The following NOTCH2NLR variants were observed in gnomAD, a reference collection of about 807,000 sequenced individuals.
The protein encoded by NOTCH2NLR is notch 2 N-terminal like R.
A neutral mutation model predicts 35.6 loss-of-function variants in NOTCH2NLR; 33 were observed. That is an observed-to-expected ratio of 0.93 (90% CI 0.70 to 1.24). The LOEUF is 1.24. Ranked by LOEUF, NOTCH2NLR falls within the 50% of genes most tolerant of loss-of-function variation. The probability of loss-of-function intolerance (pLI) is 0.00; values close to 1 mark genes in which losing one functional copy is unlikely to be tolerated. For synonymous variants in NOTCH2NLR, 103 were observed against 141.0 expected (o/e 0.73, Z 1.91); for missense variants, 276 against 362.2 (o/e 0.76, Z 1.93).
chr1:120,767,872 A>G lies in NOTCH2NLR; in HGVS notation c.155+4163A>G, dbSNP rs1270339476. On this transcript the variant is annotated intron_variant, in intron 2 of 4. Transcript: ENST00000624419. The stretch of plus-strand genomic sequence containing the variant: ...AATTGACAAAATATGTATTTTAAGG[A>G]CATTTATTGTAGTTATTTAAAATCT... Among the ~76,000 whole-genome samples the G allele has an allele frequency of 1.1e-4, 12 of 113,180 alleles. 4 individuals carry two copies. Among genetic ancestry groups the G allele is most frequent in the African/African-American group, 2.1e-4 (4 of 18,750 alleles). The allele number at this position is 113,180 out of a possible 152,430, so 74.3% of individuals were successfully genotyped here.
In NOTCH2NLR at chr1:120,776,360, A is replaced by G. The variant is rs1249410035; in HGVS notation, c.156-8614A>G. Reference sequence around the variant, plus strand: ...GAAAAGCATTTTGGGCTGACTGAACAGCGTGTACAGAGGTCTGGAAGTGAG... The same window carrying G: ...GAAAAGCATTTTGGGCTGACTGAACGGCGTGTACAGAGGTCTGGAAGTGAG... On this transcript the variant is annotated intron_variant, in intron 2 of 4. Coordinates refer to ENST00000624419, the Ensembl canonical transcript of NOTCH2NLR. 5.0e-4 allele frequency among the ~76,000 whole-genome samples: 39 copies of G among 77,956 alleles called. 6 individuals are homozygous for G. The highest frequency in any genetic ancestry group is 4.3e-3 in the South Asian group (10 of 2,350). 51.1% of individuals were successfully genotyped at this position (77,956 alleles called of 152,430 possible).
intron 2 of NOTCH2NLR, among the ~76,000 whole-genome samples, chr1:120,777,752 C>A (rs1651314997): frequency 1.0e-5 from 1 of 95,354 alleles, no homozygotes; most frequent in Non-Finnish European, 1.9e-5. Flanking sequence ...CCCTCTTTAC[C>A]AGGAAGTTAA....
Position 120,724,392 on chromosome 1 carries a change from G to C in NOTCH2NLR, c.73+142G>C, listed in dbSNP as rs1231344096. 12 of 1,348,650 alleles carry C rather than the reference G, an allele frequency of 8.9e-6. 3 individuals are homozygous for C. Among genetic ancestry groups the C allele is most frequent in the Non-Finnish European group, 1.2e-5 (12 of 1,032,840 alleles). The allele number at this position is 1,348,650 out of a possible 1,614,324, so 83.5% of individuals were successfully genotyped here. A position where few individuals can be genotyped will look rare whatever the true frequency, so the allele number is the denominator to read the frequency against. ...GTGAGGCCACTCGCTGGGTTCCCAA[G>C]AGTTTGGACATCGCCGGGGGCCCCT... is the stretch of plus-strand genomic sequence containing the variant. On this transcript the variant is annotated intron_variant, in intron 1 of 4. Transcript: ENST00000624419.
chr1:120,751,612 T>C lies in NOTCH2NLR; in HGVS notation c.74-12016T>C. Among the ~76,000 whole-genome samples the C allele has an allele frequency of 3.4e-5, 2 of 58,858 alleles. 1 individual carries two copies. Among genetic ancestry groups the C allele is most frequent in the Non-Finnish European group, 7.9e-5 (2 of 25,428 alleles). The allele number at this position is 58,858 out of a possible 152,430, so 38.6% of individuals were successfully genotyped here. A position where few individuals can be genotyped will look rare whatever the true frequency, so the allele number is the denominator to read the frequency against. ...TCTGCTCGTTCGCTCGCTCGCTTGC[T>C]CTTTCTCTCTTCCCTTTTCTTTCCT... On this transcript the variant is annotated intron_variant, in intron 1 of 4. Coordinates refer to ENST00000624419, the Ensembl canonical transcript of NOTCH2NLR.
At chr1:120,752,554 ATTTTTT>A (rs1188849971) in intron 1 of NOTCH2NLR, among the ~76,000 whole-genome samples, 3 of 3,740 alleles carry the variant, frequency 8.0e-4, no homozygotes, top group African/African-American at 5.1e-3. Context: ...ATATATATAT[ATTTTTT>A]TTTTTTTTTT....
intron 2 of NOTCH2NLR, among the ~76,000 whole-genome samples, chr1:120,784,296 C>T (rs1651398343): frequency 8.5e-6 from 1 of 117,182 alleles, no homozygotes; most frequent in East Asian, 2.1e-4. Flanking sequence ...GTCTGTTGTA[C>T]CTCATATGTA....
intron 2 of NOTCH2NLR, among the ~76,000 whole-genome samples, chr1:120,763,964 G>T (rs1651160925): frequency 8.9e-6 from 1 of 112,648 alleles, no homozygotes; most frequent in Non-Finnish European, 1.7e-5. Flanking sequence ...TGTATATGGG[G>T]TAGACCAGGC....
chr1:120,764,268 A>T (rs1448533926), intron 2 of NOTCH2NLR, among the ~76,000 whole-genome samples: 2 of 108,350 alleles, frequency 1.8e-5, no homozygotes, highest in Non-Finnish European at 3.5e-5. Flanking sequence ...AAAAAAATAT[A>T]TAAAAAAATA....
At position 120,784,991 on chromosome 1, in the gene NOTCH2NLR, TG is replaced by T; in HGVS notation, c.178del (p.Glu60AsnfsTer57). On this transcript the variant is annotated frameshift_variant, in exon 3 of 5. Transcript: ENST00000624419. LOFTEE classifies it high-confidence loss of function. ...CCATACAGATGTCCAGAAGGCTTCT[TG>T]GGGGAATATTGTCAACATCGAGACC... 2 of 1,420,958 alleles carry T rather than the reference TG, an allele frequency of 1.4e-6. No homozygotes were observed. The highest frequency in any genetic ancestry group is 2.4e-5 in the South Asian group (2 of 82,326). 88.0% of individuals were successfully genotyped at this position (1,420,958 alleles called of 1,614,324 possible).
downstream of NOTCH2NLR, among the ~76,000 whole-genome samples, chr1:120,794,224 T>G (rs1431964867): frequency 8.7e-6 from 1 of 114,424 alleles, no homozygotes; most frequent in Non-Finnish European, 1.7e-5. Context: ...AAGATAGAAA[T>G]AAAAAGAGGA....
rs1325951831 is a variant in NOTCH2NLR at position 120,778,423 on chromosome 1, T to G, written c.156-6551T>G. ...AGAGGAGCTTTAATGAGGAGCAGCT[T>G]CAGTGCCGACGCAACCCACATGAGA... On this transcript the variant is annotated intron_variant, in intron 2 of 4. Coordinates refer to ENST00000624419, the Ensembl canonical transcript of NOTCH2NLR. 1.2e-3 allele frequency among the ~76,000 whole-genome samples: 129 copies of G among 111,768 alleles called. 6 individuals carry two copies. Among genetic ancestry groups the G allele is most frequent in the Middle Eastern group, 3.8e-3 (1 of 262 alleles). 73.3% of individuals were successfully genotyped at this position (111,768 alleles called of 152,430 possible). A position where few individuals can be genotyped will look rare whatever the true frequency, so the allele number is the denominator to read the frequency against.
rs1651512910 is a variant in NOTCH2NLR at position 120,793,234 on chromosome 1, C to A, written c.489C>A (p.Ala163=). The A allele has an allele frequency of 6.2e-6, 9 of 1,440,806 alleles. 2 individuals are homozygous for A. The Admixed American group carries it at 1.8e-4, about 28-fold the overall frequency. The allele number at this position is 1,440,806 out of a possible 1,614,324, so 89.3% of individuals were successfully genotyped here. A position where few individuals can be genotyped will look rare whatever the true frequency, so the allele number is the denominator to read the frequency against. Residue 163 remains alanine (A), a synonymous_variant, in exon 4 of 5, where the codon GCC becomes GCA. Coordinates refer to ENST00000624419, the Ensembl canonical transcript of NOTCH2NLR. ...ATGGAAGTACCTGTACCACTGTGGC[C>A]AACCAGTTCTCCTGCAAATGCCTCA...
Position 120,760,256 on chromosome 1 carries a change from C to T in NOTCH2NLR, c.74-3372C>T, listed in dbSNP as rs1459620400. ...AGGCTGGAGTACAGTGGAGCAATCT[C>T]GGCTCACTGCAACCTCCGCCCCCCA... On this transcript the variant is annotated intron_variant, in intron 1 of 4. Transcript: ENST00000624419. Among the ~76,000 whole-genome samples, 10 of 73,650 alleles carry T rather than the reference C, an allele frequency of 1.4e-4. 3 individuals are homozygous for T. Among genetic ancestry groups the T allele is most frequent in the Non-Finnish European group, 2.3e-4 (10 of 44,046 alleles). 48.3% of individuals were successfully genotyped at this position (73,650 alleles called of 152,430 possible).
Position 120,790,572 on chromosome 1 carries a change from CT to C in NOTCH2NLR, c.416-2586del, listed in dbSNP as rs1651478705. 1.9e-5 allele frequency among the ~76,000 whole-genome samples: 2 copies of C among 104,290 alleles called. 1 individual carries two copies. The highest frequency in any genetic ancestry group is 3.5e-5 in the Non-Finnish European group (2 of 56,518). The allele number at this position is 104,290 out of a possible 152,430, so 68.4% of individuals were successfully genotyped here. ...TCTTTCTTTCTTTCTTTCTTTCTTT[CT>C]TTCTTTCTTTCTTTCTTTCTCTTTC... On this transcript the variant is annotated intron_variant, in intron 3 of 4. Coordinates refer to ENST00000624419, the Ensembl canonical transcript of NOTCH2NLR.
At chr1:120,791,394 G>A (rs1651492369) in intron 3 of NOTCH2NLR, among the ~76,000 whole-genome samples, 2 of 108,776 alleles carry the variant, frequency 1.8e-5, no homozygotes, top group South Asian at 2.6e-4. Flanking sequence ...GTTGGAACCA[G>A]CCCAAATGTC....
Position 120,759,443 on chromosome 1 carries a change from TA to T in NOTCH2NLR, c.74-4182del, listed in dbSNP as rs1275963283. Reference sequence around the variant, plus strand: ...CTTGGAGTCTATTAAAGCATCAGTTTAAACATCAATTCTCTATGGTATGATT... The same window carrying T: ...CTTGGAGTCTATTAAAGCATCAGTTTAACATCAATTCTCTATGGTATGATT... On this transcript the variant is annotated intron_variant, in intron 1 of 4. Coordinates refer to ENST00000624419, the Ensembl canonical transcript of NOTCH2NLR. Among the ~76,000 whole-genome samples, 23 of 56,828 alleles carry T rather than the reference TA, an allele frequency of 4.0e-4. No homozygotes were observed. In the East Asian group the frequency reaches 8.1e-3, roughly 20 times the overall value. 37.3% of individuals were successfully genotyped at this position (56,828 alleles called of 152,430 possible).
rs1651105007 is a variant in NOTCH2NLR, at chr1:120,758,969, A to G, written c.74-4659A>G. Among the ~76,000 whole-genome samples the G allele has an allele frequency of 1.8e-5, 2 of 108,310 alleles. 1 individual carries two copies. The highest frequency in any genetic ancestry group is 1.8e-4 in the Admixed American group (2 of 11,122). 71.1% of individuals were successfully genotyped at this position (108,310 alleles called of 152,430 possible). ...TATACATTACTGGGTTTTGTTTCCA[A>G]TGGAACTTATCGCTTATTACTGTCC... On this transcript the variant is annotated intron_variant, in intron 1 of 4. Coordinates refer to ENST00000624419, the Ensembl canonical transcript of NOTCH2NLR.
chr1:120,793,904 C>G, downstream of NOTCH2NLR: 1 of 390,326 alleles, frequency 2.6e-6, no homozygotes, highest in Non-Finnish European at 4.4e-6. Context: ...ATCAACTTTA[C>G]TATGTGCTTG....
intron 1 of NOTCH2NLR, among the ~76,000 whole-genome samples, chr1:120,724,763 T>C (rs1193215501): frequency 1.7e-5 from 2 of 115,058 alleles, no homozygotes; most frequent in Non-Finnish European, 3.4e-5. Context: ...GGGCTTGGTT[T>C]GGATGGGGAC....
Sources: gnomAD v4.1 joint callset for allele counts (sites outside exome capture counted in the v4.1 genomes callset) on GRCh38, gnomAD v4.1.1 for gene constraint, MANE v1.5 for transcripts, NCBI Gene and HGNC (gene_info 2026-07-23, HGNC 2026-07-21) for gene names.